Variants in ADAMTS17 observed in about 807,000 individuals in gnomAD.
ADAMTS17 encodes ADAM metallopeptidase with thrombospondin type 1 motif 17.
In ADAMTS17, 113 loss-of-function variants were observed where a neutral mutation model predicts 141.5. The ratio of observed to expected loss-of-function variants is 0.80; its 90% CI spans 0.69 to 0.93. The LOEUF (loss-of-function observed/expected upper bound fraction) is 0.93. Among genes scored for constraint, ADAMTS17 ranks in the 40% least tolerant of loss-of-function variants. ADAMTS17 has a pLI of 0.00. For synonymous variants in ADAMTS17, 768 were observed against 630.6 expected (o/e 1.22, Z -3.27); for missense variants, 1,659 against 1,517.9 (o/e 1.09, Z -1.54).
rs1184363462 is a variant in ADAMTS17, at chr15:100,246,871, A to ATTTAT, written c.1075+7260_1075+7264dup. Among the ~76,000 whole-genome samples the ATTTAT allele has an allele frequency of 2.6e-4, 33 of 126,420 alleles. No individual in the cohort carries two copies. In the East Asian group the frequency reaches 7.3e-3, roughly 28 times the overall value. 82.9% of individuals were successfully genotyped at this position (126,420 alleles called of 152,430 possible). ...TCAAGTGGTTTGCCCTTTTATTTTT[A>ATTTAT]TTTATTTATTTATTTATTTATTTAT... is the stretch of plus-strand genomic sequence containing the variant. On this transcript the variant is annotated intron_variant, in intron 7 of 21. Coordinates refer to ENST00000268070, the MANE Select transcript of ADAMTS17 (RefSeq NM_139057.4).
chr15:100,045,053 T>A (rs2031574783), intron 18 of ADAMTS17, among the ~76,000 whole-genome samples: 1 of 152,140 alleles, frequency 6.6e-6, no homozygotes, highest in Non-Finnish European at 1.5e-5. Context: ...GTGATCTGCC[T>A]GCCTTGGCCT....
intron 3 of ADAMTS17, among the ~76,000 whole-genome samples, chr15:100,318,969 C>T (rs1472226233): frequency 6.6e-6 from 1 of 152,248 alleles, no homozygotes; most frequent in Non-Finnish European, 1.5e-5. Flanking sequence ...GTACAAATCC[C>T]CAAGCCTGTG....
At chr15:100,088,008 G>A (rs958272353) in intron 15 of ADAMTS17, among the ~76,000 whole-genome samples, 1 of 152,146 alleles carries the variant, frequency 6.6e-6, no homozygotes, top group Non-Finnish European at 1.5e-5. Flanking sequence ...GCAGGAGAAG[G>A]AAATAAAGGG....
intron 7 of ADAMTS17, among the ~76,000 whole-genome samples, chr15:100,241,525 T>C (rs1394092406): frequency 1.3e-5 from 2 of 152,238 alleles, no homozygotes; most frequent in East Asian, 1.9e-4. Context: ...TTCTCACTCA[T>C]GTAACATCCA....
At chr15:100,311,375 C>CT (rs1474530030) in intron 3 of ADAMTS17, among the ~76,000 whole-genome samples, 3 of 152,250 alleles carry the variant, frequency 2.0e-5, no homozygotes, top group African/African-American at 2.4e-5. Context: ...TGGGGGCCAC[C>CT]ATCCCTCCTC....
intron 10 of ADAMTS17, among the ~76,000 whole-genome samples, chr15:100,141,740 A>T (rs1269696430): frequency 6.6e-6 from 1 of 152,196 alleles, no homozygotes; most frequent in Non-Finnish European, 1.5e-5. Flanking sequence ...CACAACTGGC[A>T]TGGTGTGGAG....
At chr15:100,079,077 G>C (rs1469340612) in intron 15 of ADAMTS17, among the ~76,000 whole-genome samples, 1 of 152,228 alleles carries the variant, frequency 6.6e-6, no homozygotes, top group African/African-American at 2.4e-5. Flanking sequence ...AGAACATGGA[G>C]AAACAGTAGC....
chr15:100,262,604 A>T (rs2043563491), intron 4 of ADAMTS17, among the ~76,000 whole-genome samples, 169 bp from the exon 5 acceptor site: 1 of 152,172 alleles, frequency 6.6e-6, no homozygotes, highest in Admixed American at 6.5e-5. Context: ...TGGTGCATTA[A>T]TTACAAGAAA....
At chr15:100,243,789 T>TAAAAAAAAA (rs547134930) in intron 7 of ADAMTS17, among the ~76,000 whole-genome samples, 1 of 93,468 alleles carries the variant, frequency 1.1e-5, no homozygotes, top group African/African-American at 4.4e-5. Context: ...GACTCCATCT[T>TAAAAAAAAA]AAAAAAAAAA....
chr15:100,283,782 C>A (rs148258894), intron 3 of ADAMTS17, among the ~76,000 whole-genome samples: 496 of 152,274 alleles, frequency 3.3e-3, no homozygotes, highest in African/African-American at 0.011. Flanking sequence ...ACCAGAGGGA[C>A]AGGTTGTTCC....
chr15:100,165,761 C>A (rs1326556291), intron 8 of ADAMTS17, among the ~76,000 whole-genome samples: 1 of 152,128 alleles, frequency 6.6e-6, no homozygotes, highest in Non-Finnish European at 1.5e-5. Flanking sequence ...ATAGCCTCCC[C>A]AGGTGATATG....
chr15:100,207,165 C>T (rs1231161719), intron 7 of ADAMTS17, among the ~76,000 whole-genome samples: 1 of 152,060 alleles, frequency 6.6e-6, no homozygotes, highest in Non-Finnish European at 1.5e-5. Context: ...GGTCTGGGTC[C>T]TTATAAAAAG....
chr15:100,260,710 C>A (rs183073928), intron 6 of ADAMTS17, among the ~76,000 whole-genome samples: 1 of 152,008 alleles, frequency 6.6e-6, no homozygotes, highest in East Asian at 1.9e-4. Context: ...CGATAAAGTT[C>A]TCCCTTCCAC....
chr15:100,114,529 C>T (rs527607523), intron 13 of ADAMTS17, among the ~76,000 whole-genome samples: 16 of 152,282 alleles, frequency 1.1e-4, no homozygotes, highest in Middle Eastern at 3.4e-3. Context: ...GAAGTCAGGG[C>T]GATTCTACCC....
At chr15:100,158,308 T>C (rs866153850) in intron 8 of ADAMTS17, among the ~76,000 whole-genome samples, 1 of 152,294 alleles carries the variant, frequency 6.6e-6, no homozygotes, top group Admixed American at 6.5e-5. Flanking sequence ...GCAATCTCCA[T>C]TCAGCTTTAA....
rs145411891 is a variant in ADAMTS17 at position 100,191,278 on chromosome 15, G to A, written c.1181+8040C>T. Among the ~76,000 whole-genome samples the A allele has an allele frequency of 1.3e-4, 20 of 152,332 alleles. No homozygotes were observed. The East Asian group carries it at 1.4e-3, about 10-fold the overall frequency. Reference sequence around the variant, plus strand: ...TGTGTAACCTGCCTTATTCAGTAACGAAACTCTGGGGGCAGAGGAAGCCTC... The same window carrying A: ...TGTGTAACCTGCCTTATTCAGTAACAAAACTCTGGGGGCAGAGGAAGCCTC... On this transcript the variant is annotated intron_variant, in intron 8 of 21. Coordinates refer to ENST00000268070, the MANE Select transcript of ADAMTS17 (RefSeq NM_139057.4).
intron 20 of ADAMTS17, among the ~76,000 whole-genome samples, chr15:99,984,182 G>A (rs919107010): frequency 1.3e-5 from 2 of 152,170 alleles, no homozygotes; most frequent in Non-Finnish European, 2.9e-5. Context: ...TCTAGCCAGG[G>A]AACCAGGAGG....
At chr15:100,249,262 C>G (rs2043079097) in intron 7 of ADAMTS17, among the ~76,000 whole-genome samples, 1 of 152,252 alleles carries the variant, frequency 6.6e-6, no homozygotes, top group African/African-American at 2.4e-5. Context: ...CCTAGAGATG[C>G]AAGCCTTGTG....
Position 100,117,165 on chromosome 15 carries a change from A to G in ADAMTS17, c.1722-152T>C, listed in dbSNP as rs557216087. ...CTCTGCTGTTACAGACCAAATGCCC[A>G]CAATCCCAGACCCACACTGCCGGCA... On this transcript the variant is annotated intron_variant, in intron 12 of 21. Transcript: ENST00000268070. 19 of 858,132 alleles carry G rather than the reference A, an allele frequency of 2.2e-5. No individual in the cohort carries two copies. In the South Asian group the frequency reaches 2.7e-4, roughly 12 times the overall value. 53.2% of individuals were successfully genotyped at this position (858,132 alleles called of 1,614,324 possible).
Sources: gnomAD v4.1 joint callset for allele counts (sites outside exome capture counted in the v4.1 genomes callset) on GRCh38, gnomAD v4.1.1 for gene constraint, MANE v1.5 for transcripts, NCBI Gene and HGNC (gene_info 2026-07-23, HGNC 2026-07-21) for gene names.